NEK11: variants seen among roughly 807,000 people sequenced by gnomAD.
The protein encoded by NEK11 is serine/threonine-protein kinase Nek11.
NEK11 carries 72 observed loss-of-function variants against 80.7 expected under a neutral mutation model. That is an observed-to-expected ratio of 0.89 (90% confidence interval 0.74 to 1.08). NEK11 has a LOEUF of 1.08. Ranked by LOEUF, NEK11 falls within the 50% of genes least tolerant of loss-of-function variation. The probability of loss-of-function intolerance (pLI) is 0.00; values close to 1 mark genes in which losing one functional copy is unlikely to be tolerated. For synonymous variants in NEK11, 251 were observed against 260.7 expected (o/e 0.96, Z 0.36); for missense variants, 764 against 763.6 (o/e 1.00, Z -0.01).
At chr3:131,099,276 G>A (rs1322744416) in intron 4 of NEK11, among the ~76,000 whole-genome samples, 3 of 152,064 alleles carry the variant, frequency 2.0e-5, no homozygotes, top group South Asian at 2.1e-4. Context: ...GAGATCAGAC[G>A]GTTGTGTGTG....
intron 4 of NEK11, chr3:131,087,899 C>G (rs1386092093): frequency 6.6e-6 from 1 of 152,224 alleles, no homozygotes; most frequent in East Asian, 1.9e-4. Flanking sequence ...CACCACCCCC[C>G]AGAATTGGTT....
chr3:131,173,939 A>G (rs1383959452), intron 14 of NEK11, among the ~76,000 whole-genome samples: 1 of 152,148 alleles, frequency 6.6e-6, no homozygotes, highest in Non-Finnish European at 1.5e-5. Flanking sequence ...TCTATGATAA[A>G]CTATCAGATT....
At chr3:131,279,125 C>T (rs919854614) in intron 17 of NEK11, among the ~76,000 whole-genome samples, 1 of 151,966 alleles carries the variant, frequency 6.6e-6, no homozygotes, top group Non-Finnish European at 1.5e-5. Flanking sequence ...AATCCCAGCA[C>T]TTTGAGAGAC....
At chr3:131,310,840 AT>A (rs1273796306) in intron 17 of NEK11, among the ~76,000 whole-genome samples, 1 of 152,190 alleles carries the variant, frequency 6.6e-6, no homozygotes, top group Non-Finnish European at 1.5e-5. Context: ...AAGGTGTTTC[AT>A]TTTTTAAGCT....
At chr3:131,175,689 C>T (rs893564265) in intron 14 of NEK11, among the ~76,000 whole-genome samples, 2 of 151,882 alleles carry the variant, frequency 1.3e-5, no homozygotes, top group Non-Finnish European at 2.9e-5. Context: ...GTGATGGCTA[C>T]CCAGATGTGT....
In NEK11 at chr3:131,170,767, C is replaced by T. The variant is rs1302202964; in HGVS notation, c.1285-6C>T. The T allele has an allele frequency of 1.9e-6, 3 of 1,575,992 alleles. No individual in the cohort carries two copies. In the Admixed American group the frequency reaches 5.0e-5, roughly 26 times the overall value. ...ATCTCATGAATTGTTAATTACCTTC[C>T]ACAAGGAATCTGATGAACCAACTTT... On this transcript the variant is annotated splice_polypyrimidine_tract_variant and splice_region_variant and intron_variant, in intron 13 of 17. Transcript: ENST00000383366.
chr3:131,194,911 A>G lies in NEK11; in HGVS notation c.1399+24024A>G, dbSNP rs114124656. ...TCCTACACTGGCTGTGTGATGTCAG[A>G]CAAGTTCTGAAACTTTCCCAAGTTT... On this transcript the variant is annotated intron_variant, in intron 14 of 17. Transcript: ENST00000383366. 4.9e-3 allele frequency among the ~76,000 whole-genome samples: 749 copies of G among 152,282 alleles called. 11 individuals are homozygous for G. The highest frequency in any genetic ancestry group is 0.017 in the African/African-American group (713 of 41,566).
At chr3:131,139,735 T>C (rs1239852813) in intron 7 of NEK11, among the ~76,000 whole-genome samples, 1 of 152,244 alleles carries the variant, frequency 6.6e-6, no homozygotes, top group East Asian at 1.9e-4. Context: ...ATTTGGCAAG[T>C]ATTAAATCTT....
At chr3:131,215,557 T>C (rs1315652819) in intron 14 of NEK11, among the ~76,000 whole-genome samples, 2 of 152,074 alleles carry the variant, frequency 1.3e-5, no homozygotes, top group Non-Finnish European at 2.9e-5. Flanking sequence ...AACCTGTGCA[T>C]GTAGATATGG....
At chr3:131,038,365 A>G (rs2065959987) in intron 3 of NEK11, among the ~76,000 whole-genome samples, 1 of 152,206 alleles carries the variant, frequency 6.6e-6, no homozygotes, top group South Asian at 2.1e-4. Flanking sequence ...AAGGGCACAT[A>G]GTTACTTTGA....
chr3:131,307,156 G>T (rs890276431), intron 17 of NEK11, among the ~76,000 whole-genome samples: 1 of 152,006 alleles, frequency 6.6e-6, no homozygotes, highest in Non-Finnish European at 1.5e-5. Flanking sequence ...ACCTTTCTTC[G>T]TATCCTGTAC....
intron 4 of NEK11, among the ~76,000 whole-genome samples, chr3:131,085,746 C>T (rs78605472): frequency 0.014 from 2,098 of 152,202 alleles, 43 homozygotes; most frequent in African/African-American, 0.048. Context: ...AATACATTCC[C>T]TAATTTTAAC....
At chr3:131,223,635 G>C (rs564773055) in intron 14 of NEK11, among the ~76,000 whole-genome samples, 3 of 152,158 alleles carry the variant, frequency 2.0e-5, no homozygotes, top group African/African-American at 7.2e-5. Flanking sequence ...GGCAGAGTTG[G>C]GTAGTTGTGA....
chr3:131,107,658 G>A (rs1410357753), intron 4 of NEK11, among the ~76,000 whole-genome samples: 1 of 151,360 alleles, frequency 6.6e-6, no homozygotes, highest in African/African-American at 2.4e-5. Context: ...CATATATGCA[G>A]ATTTCCATTC....
At chr3:131,134,087 A>T (rs1391830355) in intron 7 of NEK11, 131 bp downstream of exon 7, 2 of 760,104 alleles carry the variant, frequency 2.6e-6, no homozygotes, top group East Asian at 5.8e-5. Context: ...TGACCAGAGT[A>T]AAAGAAGGTC....
In NEK11 at chr3:131,115,639, A is replaced by G. The variant is rs191987010; in HGVS notation, c.455+5718A>G. ...CTAGAAGCTATCTTGAGAATGTTGC[A>G]CTGAAACCCATTACTGTTCTGGGCG... On this transcript the variant is annotated intron_variant, in intron 5 of 17. Transcript: ENST00000383366. 3.2e-3 allele frequency among the ~76,000 whole-genome samples: 489 copies of G among 152,354 alleles called. 11 individuals carry two copies. Among genetic ancestry groups the G allele is most frequent in the Admixed American group, 0.028 (426 of 15,294 alleles).
intron 16 of NEK11, among the ~76,000 whole-genome samples, chr3:131,268,321 G>T (rs962284489): frequency 1.3e-5 from 2 of 152,174 alleles, no homozygotes; most frequent in Admixed American, 6.5e-5. Flanking sequence ...TGCTGGTGAG[G>T]AGTTGTGATC....
chr3:131,332,408 T>C (rs1442979396), intron 17 of NEK11, among the ~76,000 whole-genome samples: 1 of 152,226 alleles, frequency 6.6e-6, no homozygotes, highest in Non-Finnish European at 1.5e-5. Context: ...CTGAGGGTCC[T>C]GTCTGTTAGA....
chr3:131,160,815 C>A (rs2091443412), intron 10 of NEK11, among the ~76,000 whole-genome samples: 1 of 152,080 alleles, frequency 6.6e-6, no homozygotes, highest in Admixed American at 6.6e-5. Flanking sequence ...CAACAATAAT[C>A]AAAAACAAAG....
Sources: allele counts gnomAD v4.1 joint callset (sites outside exome capture counted in the v4.1 genomes callset), GRCh38; gene constraint gnomAD v4.1.1; transcripts MANE v1.5; gene names NCBI Gene and HGNC (gene_info 2026-07-23, HGNC 2026-07-21).